Variants in ELOVL7 observed in about 807,000 individuals in gnomAD.
ELOVL7 encodes the protein very long chain fatty acid elongase 7.
A neutral mutation model predicts 35.7 loss-of-function variants in ELOVL7; 27 were observed. That is an observed-to-expected ratio of 0.76 (90% CI 0.56 to 1.04). The LOEUF is 1.04. Ranked by LOEUF, ELOVL7 falls within the 50% of genes least tolerant of loss-of-function variation. The probability of loss-of-function intolerance (pLI) is 0.00; values close to 1 mark genes in which losing one functional copy is unlikely to be tolerated. For synonymous variants in ELOVL7, 113 were observed against 114.6 expected, an observed-to-expected ratio of 0.99 and a Z score of 0.09; for missense variants, 327 against 340.8, an observed-to-expected ratio of 0.96 and a Z score of 0.32.
At chr5:60,759,817 T>A (rs9291695) in intron 7 of ELOVL7, among the ~76,000 whole-genome samples, 17,511 of 150,186 alleles carry the variant, frequency 0.12, 1,415 homozygotes, top group African/African-American at 0.23. Context: ...GTCCCCAGAG[T>A]GTGATGTTCC....
intron 1 of ELOVL7, chr5:60,802,535 G>A (rs1269181027): frequency 6.6e-6 from 1 of 152,162 alleles, no homozygotes; most frequent in East Asian, 1.9e-4. Context: ...TGCTGGAAAA[G>A]ATTAATCTAG....
chr5:60,754,861 T>C (rs1741441149), intron 8 of ELOVL7, 28 bp from the exon 9 acceptor site: 1 of 1,591,116 alleles, frequency 6.3e-7, no homozygotes, highest in Non-Finnish European at 8.6e-7. Flanking sequence ...GAAAAAAAAT[T>C]ATTCAGATAT....
At chr5:60,762,435 A>C (rs2112143265) in intron 7 of ELOVL7, among the ~76,000 whole-genome samples, 1 of 152,242 alleles carries the variant, frequency 6.6e-6, no homozygotes, top group East Asian at 1.9e-4. Flanking sequence ...GCTCAATTGT[A>C]TTCATTAAAT....
chr5:60,797,395 G>T (rs986585574), intron 2 of ELOVL7, among the ~76,000 whole-genome samples: 1 of 152,240 alleles, frequency 6.6e-6, no homozygotes, highest in African/African-American at 2.4e-5. Flanking sequence ...TGTTCACACT[G>T]CCTTGGAAGT....
At chr5:60,758,675 T>C (rs988649813) in intron 7 of ELOVL7, among the ~76,000 whole-genome samples, 6 of 152,186 alleles carry the variant, frequency 3.9e-5, no homozygotes, top group Non-Finnish European at 7.3e-5. Flanking sequence ...ATTTCAATTG[T>C]CTTTAGCTGG....
At chr5:60,810,575 C>T (rs1745185995) in intron 1 of ELOVL7, among the ~76,000 whole-genome samples, 1 of 152,200 alleles carries the variant, frequency 6.6e-6, no homozygotes. Flanking sequence ...TCCTACAGCA[C>T]ATTATATGTA....
intron 1 of ELOVL7, among the ~76,000 whole-genome samples, chr5:60,836,777 C>T (rs1486052358): frequency 1.3e-5 from 2 of 151,882 alleles, no homozygotes; most frequent in African/African-American, 2.4e-5. Flanking sequence ...GGGGATGGGG[C>T]TGTATTTAGA....
At chr5:60,800,634 C>G (rs1744552886) in intron 1 of ELOVL7, among the ~76,000 whole-genome samples, 1 of 152,194 alleles carries the variant, frequency 6.6e-6, no homozygotes, top group Admixed American at 6.5e-5. Flanking sequence ...GTTCTAGAGG[C>G]TGGAAGTTCA....
chr5:60,813,198 A>T (rs1487176206), intron 1 of ELOVL7, among the ~76,000 whole-genome samples: 2 of 152,126 alleles, frequency 1.3e-5, no homozygotes, highest in Non-Finnish European at 2.9e-5. Flanking sequence ...TTTTACTCCA[A>T]GCCATTAGAA....
At chr5:60,830,416 G>C (rs1422301728) in intron 1 of ELOVL7, among the ~76,000 whole-genome samples, 1 of 152,164 alleles carries the variant, frequency 6.6e-6, no homozygotes, top group Non-Finnish European at 1.5e-5. Context: ...AAAGAGCTAG[G>C]ATACTGGGGA....
intron 1 of ELOVL7, among the ~76,000 whole-genome samples, chr5:60,826,239 T>A (rs1156748287): frequency 3.9e-5 from 6 of 152,344 alleles, no homozygotes; most frequent in Middle Eastern, 3.4e-3. Flanking sequence ...TTTGTATTTA[T>A]GAGTACAGTT....
At chr5:60,799,407 T>C (rs1021011839) in intron 1 of ELOVL7, among the ~76,000 whole-genome samples, 177 bp from the exon 2 acceptor site, 1 of 151,804 alleles carries the variant, frequency 6.6e-6, no homozygotes, top group African/African-American at 2.4e-5. Context: ...GCTGGTTATC[T>C]AAAAAGTTCA....
At chr5:60,761,170 A>C (rs1741887038) in intron 7 of ELOVL7, among the ~76,000 whole-genome samples, 1 of 152,152 alleles carries the variant, frequency 6.6e-6, no homozygotes, top group Non-Finnish European at 1.5e-5. Flanking sequence ...TCTCAGAATG[A>C]ATTACGATTA....
chr5:60,819,517 C>T (rs1745762690), intron 1 of ELOVL7, among the ~76,000 whole-genome samples: 1 of 152,098 alleles, frequency 6.6e-6, no homozygotes, highest in Non-Finnish European at 1.5e-5. Flanking sequence ...AACGGTGGCT[C>T]ATGCCTGTAA....
intron 1 of ELOVL7, among the ~76,000 whole-genome samples, chr5:60,826,033 T>A (rs1233903979): frequency 6.6e-6 from 1 of 152,210 alleles, no homozygotes; most frequent in Non-Finnish European, 1.5e-5. Context: ...ATGAATCCTA[T>A]AGAGAGCAAA....
chr5:60,841,736 A>G (rs1433517127), intron 1 of ELOVL7, among the ~76,000 whole-genome samples: 1 of 152,196 alleles, frequency 6.6e-6, no homozygotes, highest in Non-Finnish European at 1.5e-5. Context: ...GTTTTTCAAT[A>G]AAAAGGTTTT....
At chr5:60,813,176 G>A (rs969456317) in intron 1 of ELOVL7, among the ~76,000 whole-genome samples, 7 of 152,074 alleles carry the variant, frequency 4.6e-5, no homozygotes, top group African/African-American at 1.4e-4. Context: ...GGCGTTAATG[G>A]CTTGACTTTT....
intron 1 of ELOVL7, among the ~76,000 whole-genome samples, chr5:60,806,311 C>T (rs1347944937): frequency 6.6e-6 from 1 of 152,152 alleles, no homozygotes; most frequent in African/African-American, 2.4e-5. Context: ...CTGTAGCAAA[C>T]TAATACACCA....
intron 1 of ELOVL7, among the ~76,000 whole-genome samples, chr5:60,843,780 G>T (rs1168863597): frequency 1.3e-5 from 2 of 152,054 alleles, no homozygotes; most frequent in African/African-American, 4.8e-5. Flanking sequence ...CCAGCGCCGC[G>T]CGGGACCCCA....
Sources: gnomAD v4.1 joint callset for allele counts (sites outside exome capture counted in the v4.1 genomes callset) on GRCh38, gnomAD v4.1.1 for gene constraint, MANE v1.5 for transcripts, NCBI Gene and HGNC (gene_info 2026-07-23, HGNC 2026-07-21) for gene names.